The following MTCL1 variants were observed in gnomAD, a reference collection of about 807,000 sequenced individuals.
MTCL1 encodes the protein microtubule cross-linking factor 1.
In MTCL1, 79 loss-of-function variants were observed where a neutral mutation model predicts 141.4. That is an observed-to-expected ratio of 0.56 (90% CI 0.47 to 0.67). The LOEUF is 0.67. MTCL1 is among the 30% of genes least tolerant of loss of function. The pLI, the probability that MTCL1 is intolerant of heterozygous loss-of-function variation, is 0.00. For missense variants in MTCL1, 2,177 were observed against 2,113.9 expected, an observed-to-expected ratio of 1.03 and a Z score of -0.59; for synonymous variants, 914 against 875.8, an observed-to-expected ratio of 1.04 and a Z score of -0.77.
intron 4 of MTCL1, among the ~76,000 whole-genome samples, chr18:8,742,259 A>G (rs1362774589): frequency 6.6e-6 from 1 of 152,146 alleles, no homozygotes; most frequent in Non-Finnish European, 1.5e-5. Context: ...CTTTCCACAG[A>G]CTGCTTTTAT....
At chr18:8,709,841 TTTTA>T (rs1352110837) in intron 1 of MTCL1, among the ~76,000 whole-genome samples, 3 of 152,182 alleles carry the variant, frequency 2.0e-5, no homozygotes, top group African/African-American at 7.2e-5. Context: ...TTTATTTTAT[TTTTA>T]TTTATTTTTT....
intron 13 of MTCL1, among the ~76,000 whole-genome samples, 198 bp from the exon 13 acceptor site, chr18:8,821,269 A>C (rs896947932): frequency 6.6e-6 from 1 of 152,176 alleles, no homozygotes; most frequent in South Asian, 2.1e-4. Context: ...CCAGCCCCTC[A>C]TCATGCTGTG....
chr18:8,786,098 G>A lies in MTCL1; in HGVS notation c.1887+7G>A, dbSNP rs368773279. ...GACCTGCTTCAGCCTGGAGGTCAGC[G>A]TGGGCAAGCAATCCCCCCCCCCCGC... On this transcript the variant is annotated splice_region_variant and intron_variant, in intron 7 of 16. Transcript: ENST00000359865. 1.3e-4 allele frequency: 194 copies of A among 1,546,744 alleles called. No homozygotes were observed. The highest frequency in any genetic ancestry group is 2.4e-4 in the South Asian group (20 of 84,340).
At chr18:8,789,474 G>C in intron 7 of MTCL1, 8 of 985,486 alleles carry the variant, frequency 8.1e-6, no homozygotes, top group Non-Finnish European at 9.6e-6. Flanking sequence ...ATCTTCTTAA[G>C]TGTGGGAAGT....
At chr18:8,734,278 G>A (rs1182020480) in intron 4 of MTCL1, among the ~76,000 whole-genome samples, 2 of 152,038 alleles carry the variant, frequency 1.3e-5, no homozygotes, top group Admixed American at 6.6e-5. Context: ...TTGGAGGGAA[G>A]AGTCATCGCT....
exon 6 of MTCL1, chr18:8,783,610 A>C (rs1046113286): frequency 3.7e-6 from 6 of 1,613,680 alleles, no homozygotes; most frequent in Non-Finnish European, 5.1e-6. Flanking sequence ...TGGCCAAGCT[A>C]GGAAGGGAGA....
intron 4 of MTCL1, among the ~76,000 whole-genome samples, chr18:8,775,483 G>A (rs1032488792): frequency 3.6e-4 from 54 of 152,034 alleles, no homozygotes; most frequent in African/African-American, 9.9e-4. Flanking sequence ...TGAGGCAGGC[G>A]AATCGCTTGA....
chr18:8,785,629 G>T, intron 6 of MTCL1: 1 of 345,802 alleles, frequency 2.9e-6, no homozygotes. Context: ...TTCACGCATC[G>T]CCATCGCATG....
intron 15 of MTCL1, among the ~76,000 whole-genome samples, chr18:8,826,698 A>G (rs573334641): frequency 3.5e-4 from 54 of 152,306 alleles, no homozygotes; most frequent in African/African-American, 1.3e-3. Context: ...AGGAGCCACA[A>G]GATCTCGATT....
At chr18:8,831,759 G>C in exon 17 of MTCL1, 1 of 1,550,378 alleles carries the variant, frequency 6.5e-7, no homozygotes, top group African/African-American at 1.4e-5. Flanking sequence ...CCTTGGAGGA[G>C]CATGGTGGCG....
At chr18:8,713,962 G>A (rs1293408834), upstream of MTCL1, among the ~76,000 whole-genome samples, 1 of 152,126 alleles carries the variant, frequency 6.6e-6, no homozygotes, top group Non-Finnish European at 1.5e-5. Flanking sequence ...AGCGGGGAAG[G>A]GGCACGGATA....
At chr18:8,710,100 A>G (rs1598347941) in intron 1 of MTCL1, among the ~76,000 whole-genome samples, 2 of 152,176 alleles carry the variant, frequency 1.3e-5, no homozygotes, top group Admixed American at 1.3e-4. Context: ...TCGGCTTCCC[A>G]AAGTGCTGGG....
chr18:8,783,709 C>A, exon 6 of MTCL1: 4 of 1,607,490 alleles, frequency 2.5e-6, no homozygotes, highest in Admixed American at 1.7e-5. Context: ...CAGGCGGGCC[C>A]CCCAGCACCC....
intron 1 of MTCL1, among the ~76,000 whole-genome samples, chr18:8,710,793 A>G (rs1450922475): frequency 4.8e-5 from 7 of 145,876 alleles, no homozygotes; most frequent in Admixed American, 4.7e-4. Context: ...GTCTAGGGCA[A>G]TGTCTGATAA....
intron 1 of MTCL1, among the ~76,000 whole-genome samples, chr18:8,709,362 T>C (rs2148751484): frequency 6.6e-6 from 1 of 152,130 alleles, no homozygotes; most frequent in Non-Finnish European, 1.5e-5. Context: ...TGGGCTAATT[T>C]TTAAATTTTT....
upstream of MTCL1, among the ~76,000 whole-genome samples, chr18:8,713,896 C>G (rs1458476339): frequency 6.6e-6 from 1 of 152,174 alleles, no homozygotes; most frequent in Non-Finnish European, 1.5e-5. Context: ...TGAGCCATGG[C>G]TGCACCACTG....
upstream of MTCL1, among the ~76,000 whole-genome samples, chr18:8,716,569 A>ATTTTTTTTTTTTTTTTTTTT (rs138840096): frequency 2.9e-5 from 3 of 103,898 alleles, no homozygotes; most frequent in Admixed American, 1.1e-4. Context: ...CTTTTTGTTC[A>ATTTTTTTTTTTTTTTTTTTT]TTTTTTTTTT....
At chr18:8,722,899 G>A (rs1290967041) in intron 4 of MTCL1, among the ~76,000 whole-genome samples, 1 of 152,182 alleles carries the variant, frequency 6.6e-6, no homozygotes, top group Non-Finnish European at 1.5e-5. Flanking sequence ...ATGGATTTGT[G>A]TAGGATTTGG....
chr18:8,784,623 G>C, exon 6 of MTCL1: 1 of 1,613,720 alleles, frequency 6.2e-7, no homozygotes, highest in Non-Finnish European at 8.5e-7. Flanking sequence ...CAGGGTGAGG[G>C]GGACCAGCAG....
Sources: allele counts gnomAD v4.1 joint callset (sites outside exome capture counted in the v4.1 genomes callset), GRCh38; gene constraint gnomAD v4.1.1; transcripts MANE v1.5; gene names NCBI Gene and HGNC (gene_info 2026-07-23, HGNC 2026-07-21).